Variants in PPP3CA observed in about 807,000 individuals in gnomAD.
The protein encoded by PPP3CA is protein phosphatase 3 catalytic subunit alpha.
In PPP3CA, 14 loss-of-function variants were observed where a neutral mutation model predicts 66.5. The observed-to-expected ratio is 0.21, with a 90% CI of 0.14 to 0.33. The LOEUF is 0.33. Ranked by LOEUF, PPP3CA falls within the 10% of genes least tolerant of loss-of-function variation. PPP3CA has a pLI of 1.00. For synonymous variants in PPP3CA, 232 were observed against 226.2 expected, an observed-to-expected ratio of 1.03 and a Z score of -0.23; for missense variants, 317 against 639.5, an observed-to-expected ratio of 0.50 and a Z score of 5.44.
chr4:101,136,001 T>A (rs758073291), intron 2 of PPP3CA, among the ~76,000 whole-genome samples: 2 of 152,138 alleles, frequency 1.3e-5, no homozygotes, highest in Non-Finnish European at 2.9e-5. Context: ...CTTGCAGGGC[T>A]GTCTGAGGAT....
At chr4:101,092,888 G>C (rs531383761) in intron 6 of PPP3CA, among the ~76,000 whole-genome samples, 31 of 152,182 alleles carry the variant, frequency 2.0e-4, no homozygotes, top group African/African-American at 7.5e-4. Flanking sequence ...CCAAGTCTTT[G>C]CTATTGTAAA....
At chr4:101,220,182 C>A (rs970071) in intron 1 of PPP3CA, among the ~76,000 whole-genome samples, 26,083 of 151,574 alleles carry the variant, frequency 0.17, 3,307 homozygotes, top group East Asian at 0.33. Flanking sequence ...TAGTGGCCTA[C>A]TTTTTATAAA....
intron 1 of PPP3CA, among the ~76,000 whole-genome samples, chr4:101,278,510 CTA>C (rs1021134679): frequency 2.0e-5 from 3 of 152,286 alleles, no homozygotes; most frequent in African/African-American, 2.4e-5. Context: ...AGCTCTCAAA[CTA>C]TGTTTCCTGA....
intron 1 of PPP3CA, among the ~76,000 whole-genome samples, chr4:101,319,166 T>C (rs1401251929): frequency 7.0e-6 from 1 of 142,358 alleles, no homozygotes; most frequent in African/African-American, 2.6e-5. Flanking sequence ...AGTTATACCA[T>C]ATTGAAAAAA....
chr4:101,262,375 A>G (rs1332833752), intron 1 of PPP3CA, among the ~76,000 whole-genome samples: 1 of 152,144 alleles, frequency 6.6e-6, no homozygotes, highest in Non-Finnish European at 1.5e-5. Flanking sequence ...CAACCCAAAT[A>G]TAAGTATATA....
chr4:101,047,232 C>T (rs987777510), intron 10 of PPP3CA, among the ~76,000 whole-genome samples: 9 of 152,052 alleles, frequency 5.9e-5, no homozygotes, highest in African/African-American at 2.2e-4. Flanking sequence ...CACCACCAGG[C>T]GCTTGAGTCC....
chr4:101,317,781 T>C (rs759229411), intron 1 of PPP3CA, among the ~76,000 whole-genome samples: 6 of 152,200 alleles, frequency 3.9e-5, no homozygotes, highest in African/African-American at 7.2e-5. Context: ...CATTGTTTAA[T>C]GGTTAAACAG....
chr4:101,179,834 C>A (rs1264335663), intron 2 of PPP3CA, among the ~76,000 whole-genome samples: 1 of 151,928 alleles, frequency 6.6e-6, no homozygotes, highest in Non-Finnish European at 1.5e-5. Context: ...TCTAACTGAC[C>A]CACTCCACCA....
chr4:101,194,506 T>G (rs1474932019), intron 2 of PPP3CA, among the ~76,000 whole-genome samples: 2 of 152,150 alleles, frequency 1.3e-5, no homozygotes, highest in Non-Finnish European at 2.9e-5. Context: ...ACCTGTAAAT[T>G]AAGCAAACTC....
chr4:101,341,192 T>C (rs1578204922), intron 1 of PPP3CA, among the ~76,000 whole-genome samples: 1 of 109,918 alleles, frequency 9.1e-6, no homozygotes, highest in East Asian at 2.6e-4. Context: ...AGTGGCCATT[T>C]TCTTTTTTTC....
chr4:101,046,818 A>C (rs1478796771), intron 10 of PPP3CA, among the ~76,000 whole-genome samples: 2 of 152,218 alleles, frequency 1.3e-5, no homozygotes, highest in Non-Finnish European at 2.9e-5. Context: ...GAAATGAAGC[A>C]TAAGGTATTG....
intron 6 of PPP3CA, among the ~76,000 whole-genome samples, chr4:101,091,862 A>G (rs559155877): frequency 2.9e-5 from 4 of 135,842 alleles, no homozygotes; most frequent in African/African-American, 8.6e-5. Flanking sequence ...TAATAATAAT[A>G]ATGAAGAAGA....
At chr4:101,190,921 G>A (rs551532899) in intron 2 of PPP3CA, among the ~76,000 whole-genome samples, 1 of 152,260 alleles carries the variant, frequency 6.6e-6, no homozygotes, top group Admixed American at 6.5e-5. Context: ...CTTCAGTAAT[G>A]AGCAGGAAAA....
chr4:101,095,274 T>C (rs932091997), intron 5 of PPP3CA, among the ~76,000 whole-genome samples: 1 of 152,002 alleles, frequency 6.6e-6, no homozygotes, highest in Non-Finnish European at 1.5e-5. Context: ...TTATTAAGGG[T>C]AGGACAGTAG....
At chr4:101,248,990 C>T (rs1414827641) in intron 1 of PPP3CA, among the ~76,000 whole-genome samples, 1 of 151,296 alleles carries the variant, frequency 6.6e-6, no homozygotes, top group Non-Finnish European at 1.5e-5. Flanking sequence ...GAAACCCCGT[C>T]TCTACTAAAA....
intron 3 of PPP3CA, chr4:101,107,990 AACACACCGTG>A (rs1721492777): frequency 6.6e-6 from 1 of 152,232 alleles, no homozygotes; most frequent in Non-Finnish European, 1.5e-5. Flanking sequence ...ATTATTTATT[AACACACCGTG>A]TTAGGCACCA....
At chr4:101,057,097 C>T (rs1353944914) in intron 10 of PPP3CA, among the ~76,000 whole-genome samples, 3 of 151,740 alleles carry the variant, frequency 2.0e-5, no homozygotes, top group Admixed American at 6.6e-5. Flanking sequence ...CTGTGTCACC[C>T]AGGTTGGAGT....
chr4:101,296,995 T>C (rs985341366), intron 1 of PPP3CA, among the ~76,000 whole-genome samples: 3 of 152,184 alleles, frequency 2.0e-5, no homozygotes, highest in Admixed American at 6.5e-5. Context: ...TTTTAAAAAG[T>C]TTTAATATAT....
intron 1 of PPP3CA, among the ~76,000 whole-genome samples, chr4:101,302,101 GATA>G (rs1314279371): frequency 1.3e-5 from 2 of 152,000 alleles, no homozygotes; most frequent in East Asian, 3.9e-4. Flanking sequence ...TATTCCATTT[GATA>G]ATAATGAAAA....
Sources: gnomAD v4.1 joint callset for allele counts (sites outside exome capture counted in the v4.1 genomes callset) on GRCh38, gnomAD v4.1.1 for gene constraint, MANE v1.5 for transcripts, NCBI Gene and HGNC (gene_info 2026-07-23, HGNC 2026-07-21) for gene names.